The following CDH18 variants were observed in gnomAD, a reference collection of about 807,000 sequenced individuals.
CDH18 encodes the protein cadherin-18.
CDH18 carries 31 observed loss-of-function variants against 67.9 expected under a neutral mutation model. The observed-to-expected ratio is 0.46, with a 90% confidence interval of 0.34 to 0.62. CDH18 has a LOEUF of 0.62. Ranked by LOEUF, CDH18 falls within the 20% of genes least tolerant of loss-of-function variation. The pLI is 0.01. For missense variants in CDH18, 890 were observed against 975.5 expected, an observed-to-expected ratio of 0.91 and a Z score of 1.17; for synonymous variants, 362 against 347.2, an observed-to-expected ratio of 1.04 and a Z score of -0.48.
intron 1 of CDH18, among the ~76,000 whole-genome samples, chr5:20,387,103 G>A (rs182651018): frequency 6.6e-6 from 1 of 152,236 alleles, no homozygotes; most frequent in East Asian, 1.9e-4. Context: ...CTTATTTATA[G>A]CTACTCAAAC....
rs567265162 is a variant in CDH18 at position 19,933,976 on chromosome 5, AT to A, written c.-257+47083del. 3.8e-4 allele frequency among the ~76,000 whole-genome samples: 58 copies of A among 151,560 alleles called. No homozygotes were observed. In the East Asian group the frequency reaches 9.3e-3, roughly 24 times the overall value. On this transcript the variant is annotated intron_variant, in intron 2 of 12. Transcript: ENST00000382275. ...TAAAATGTTCAAATTGCAACAATTC[AT>A]AGCTACTTGGATGTCTAAGAGCATC...
chr5:20,490,564 A>T (rs1466777267), intron 1 of CDH18, among the ~76,000 whole-genome samples: 2 of 152,140 alleles, frequency 1.3e-5, no homozygotes, highest in Non-Finnish European at 2.9e-5. Context: ...TTACACTCTG[A>T]CTAGACAGAA....
chr5:20,543,547 G>A (rs1757173481), intron 1 of CDH18, among the ~76,000 whole-genome samples: 1 of 152,008 alleles, frequency 6.6e-6, no homozygotes, highest in Non-Finnish European at 1.5e-5. Flanking sequence ...TTCTGAGATT[G>A]GCCAGAATAG....
At chr5:19,886,930 G>C (rs1788275043) in intron 2 of CDH18, among the ~76,000 whole-genome samples, 1 of 152,042 alleles carries the variant, frequency 6.6e-6, no homozygotes, top group Non-Finnish European at 1.5e-5. Flanking sequence ...GCAGTAGCTT[G>C]ATCTTTACAT....
intron 2 of CDH18, among the ~76,000 whole-genome samples, chr5:20,049,400 G>A (rs1006219035): frequency 6.6e-6 from 1 of 151,400 alleles, no homozygotes; most frequent in African/African-American, 2.4e-5. Flanking sequence ...ATAACTAATA[G>A]GTACTAGACT....
At chr5:19,628,836 G>A (rs1031971546) in intron 5 of CDH18, among the ~76,000 whole-genome samples, 13 of 151,856 alleles carry the variant, frequency 8.6e-5, no homozygotes, top group African/African-American at 3.1e-4. Flanking sequence ...AAATGAGTAT[G>A]TATAGAAAGA....
intron 1 of CDH18, among the ~76,000 whole-genome samples, chr5:20,302,842 G>A (rs550622319): frequency 6.6e-6 from 1 of 152,238 alleles, no homozygotes; most frequent in African/African-American, 2.4e-5. Context: ...AATCAAAGTG[G>A]AAATTTAAAC....
chr5:19,687,544 T>C (rs1337638753), intron 5 of CDH18, among the ~76,000 whole-genome samples: 1 of 152,126 alleles, frequency 6.6e-6, no homozygotes, highest in African/African-American at 2.4e-5. Context: ...AAGGGAGCCA[T>C]AGCACATGCT....
intron 2 of CDH18, among the ~76,000 whole-genome samples, chr5:19,978,676 G>T (rs1798733560): frequency 6.6e-6 from 1 of 152,076 alleles, no homozygotes; most frequent in Non-Finnish European, 1.5e-5. Flanking sequence ...GTCTTTTCCA[G>T]TTTCTGGATG....
intron 2 of CDH18, among the ~76,000 whole-genome samples, chr5:20,049,709 C>A (rs571554315): frequency 2.6e-5 from 4 of 151,678 alleles, no homozygotes; most frequent in Non-Finnish European, 5.9e-5. Flanking sequence ...TTCAAGTATA[C>A]CCCTATAAAC....
intron 1 of CDH18, among the ~76,000 whole-genome samples, chr5:20,490,625 G>C (rs143748342): frequency 2.6e-5 from 4 of 152,244 alleles, no homozygotes; most frequent in Admixed American, 2.6e-4. Flanking sequence ...TTCAAGAGGA[G>C]GGTAAGTAAG....
intron 2 of CDH18, among the ~76,000 whole-genome samples, chr5:20,015,916 C>T (rs760317843): frequency 7.2e-5 from 11 of 151,946 alleles, no homozygotes; most frequent in African/African-American, 2.2e-4. Context: ...AGAAAAGGAA[C>T]GCAGATAACA....
chr5:19,687,657 G>A (rs939020132), intron 5 of CDH18, among the ~76,000 whole-genome samples: 2 of 152,176 alleles, frequency 1.3e-5, no homozygotes, highest in Non-Finnish European at 1.5e-5. Context: ...ATGCCTTAGA[G>A]ACTAGACGTC....
At chr5:19,596,573 T>C (rs1002299818) in intron 6 of CDH18, among the ~76,000 whole-genome samples, 2 of 152,132 alleles carry the variant, frequency 1.3e-5, no homozygotes, top group Non-Finnish European at 2.9e-5. Flanking sequence ...AATAAATACA[T>C]TATAGAATTA....
intron 2 of CDH18, among the ~76,000 whole-genome samples, chr5:20,229,958 G>A (rs1025995045): frequency 2.6e-5 from 4 of 152,190 alleles, no homozygotes; most frequent in South Asian, 2.1e-4. Flanking sequence ...ACTTAGCTCC[G>A]AATGCGAATA....
intron 2 of CDH18, among the ~76,000 whole-genome samples, chr5:20,039,563 C>CT (rs1285289686): frequency 2.0e-5 from 3 of 152,150 alleles, no homozygotes; most frequent in Non-Finnish European, 4.4e-5. Flanking sequence ...ATGATCTGAT[C>CT]TTTGACAAAC....
At chr5:20,348,877 T>A (rs1277314553) in intron 1 of CDH18, among the ~76,000 whole-genome samples, 2 of 152,154 alleles carry the variant, frequency 1.3e-5, no homozygotes, top group African/African-American at 4.8e-5. Flanking sequence ...ACTTACCTTT[T>A]GTGCAAGCCC....
Position 19,577,619 on chromosome 5 carries a change from T to A in CDH18, c.1000-5787A>T, listed in dbSNP as rs1293651209. On this transcript the variant is annotated intron_variant, in intron 7 of 12. Coordinates refer to ENST00000382275, the MANE Select transcript of CDH18 (RefSeq NM_004934.5). Reference sequence around the variant, plus strand: ...CTGATTAAGATAATGAGATTTAGATTGAGATGATGAGTTTAGAAATGTTGA... The same window carrying A: ...CTGATTAAGATAATGAGATTTAGATAGAGATGATGAGTTTAGAAATGTTGA... Among the ~76,000 whole-genome samples the A allele has an allele frequency of 9.2e-5, 14 of 152,094 alleles. 1 individual carries two copies. Among genetic ancestry groups the A allele is most frequent in the Non-Finnish European group, 2.9e-5 (2 of 68,018 alleles).
intron 9 of CDH18, among the ~76,000 whole-genome samples, chr5:19,522,556 T>C (rs776658871): frequency 8.5e-5 from 13 of 152,100 alleles, no homozygotes; most frequent in Non-Finnish European, 1.9e-4. Context: ...TTCTAATATT[T>C]ATAAACACTA....
Sources: gnomAD v4.1 joint callset for allele counts (sites outside exome capture counted in the v4.1 genomes callset) on GRCh38, gnomAD v4.1.1 for gene constraint, MANE v1.5 for transcripts, NCBI Gene and HGNC (gene_info 2026-07-23, HGNC 2026-07-21) for gene names.